Variants in FAT4 observed in about 807,000 individuals in gnomAD.
The protein encoded by FAT4 is protocadherin Fat 4.
A neutral mutation model predicts 303.9 loss-of-function variants in FAT4; 84 were observed. The observed-to-expected ratio is 0.28, with a 90% confidence interval of 0.23 to 0.33. The LOEUF is 0.33. FAT4 is among the 10% of genes least tolerant of loss of function. The pLI, the probability that FAT4 is intolerant of heterozygous loss-of-function variation, is 1.00. For missense variants in FAT4, 6,005 were observed against 6,146.8 expected, an observed-to-expected ratio of 0.98 and a Z score of 0.77; for synonymous variants, 2,307 against 2,298.8, an observed-to-expected ratio of 1.00 and a Z score of -0.10.
At position 125,318,429 on chromosome 4, in the gene FAT4, C is replaced by T. The variant is rs1454770591; in HGVS notation, c.2018C>T (p.Ala673Val). 5.0e-6 allele frequency: 8 copies of T among 1,614,136 alleles called. No homozygotes were observed. The highest frequency in any genetic ancestry group is 1.3e-5 in the African/African-American group (1 of 75,038). ...DLGSPPQSSM[A>V]RINVSLLDIN... Reference sequence around the variant, plus strand: ...GGCTCCCCTCCCCAGTCATCAATGGCTCGCATAAATGTGAGTCTTCTGGAT... The same window carrying T: ...GGCTCCCCTCCCCAGTCATCAATGGTTCGCATAAATGTGAGTCTTCTGGAT... The change falls in exon 2 of 18, where the codon GCT (alanine) becomes GTT (valine). Residue 673 changes from alanine to valine, a missense_variant. Coordinates refer to ENST00000394329, the MANE Select transcript of FAT4 (RefSeq NM_001291303.3).
At chr4:125,345,235 C>T (rs774230801) in intron 2 of FAT4, among the ~76,000 whole-genome samples, 7 of 152,072 alleles carry the variant, frequency 4.6e-5, no homozygotes, top group Non-Finnish European at 8.8e-5. Context: ...CCAACTTAAT[C>T]ACTGCAATGT....
At chr4:125,353,204 T>C (rs1732296786) in intron 2 of FAT4, among the ~76,000 whole-genome samples, 1 of 151,762 alleles carries the variant, frequency 6.6e-6, no homozygotes, top group African/African-American at 2.4e-5. Flanking sequence ...GAATGACTTC[T>C]TCATTCAATC....
intron 9 of FAT4, among the ~76,000 whole-genome samples, chr4:125,447,735 A>AT (rs1725874195): frequency 6.6e-6 from 1 of 152,014 alleles, no homozygotes. Flanking sequence ...TTTTCTGCAT[A>AT]TTTTTACGAC....
At chr4:125,454,016 C>T (rs552413053) in intron 10 of FAT4, among the ~76,000 whole-genome samples, 6 of 152,140 alleles carry the variant, frequency 3.9e-5, no homozygotes, top group South Asian at 2.1e-4. Context: ...TTGATAAGTT[C>T]GAGGAGAGCA....
chr4:125,439,482 A>G (rs973923280), intron 8 of FAT4, among the ~76,000 whole-genome samples: 4 of 148,008 alleles, frequency 2.7e-5, no homozygotes, highest in Non-Finnish European at 1.5e-5. Flanking sequence ...ACAGGCACCC[A>G]CCACCATGCC....
chr4:125,336,587 CACTT>C (rs528174597), intron 2 of FAT4, among the ~76,000 whole-genome samples: 14 of 152,004 alleles, frequency 9.2e-5, no homozygotes, highest in East Asian at 5.8e-4. Flanking sequence ...ATATTTGAAA[CACTT>C]AGTAAAGATA....
At chr4:125,330,221 T>C (rs565135503) in intron 2 of FAT4, among the ~76,000 whole-genome samples, 1 of 38,602 alleles carries the variant, frequency 2.6e-5, no homozygotes, top group East Asian at 2.6e-4. Context: ...ACTTCAAGTA[T>C]TTTTTTTTAT....
chr4:125,355,008 T>G (rs1732372440), intron 2 of FAT4, among the ~76,000 whole-genome samples: 1 of 151,798 alleles, frequency 6.6e-6, no homozygotes, highest in Non-Finnish European at 1.5e-5. Context: ...TTTTTTAAAT[T>G]TAGACATGAA....
At chr4:125,478,984 C>G (rs1009168849) in intron 14 of FAT4, among the ~76,000 whole-genome samples, 9 of 152,098 alleles carry the variant, frequency 5.9e-5, no homozygotes, top group African/African-American at 2.2e-4. Flanking sequence ...CTGAACATAT[C>G]TAACTATTCT....
rs749795954 is a variant in FAT4 at position 125,450,235 on chromosome 4, A to G, written c.9225A>G (p.Ala3075=). The G allele has an allele frequency of 1.2e-6, 2 of 1,613,942 alleles. No individual in the cohort carries two copies. Among genetic ancestry groups the G allele is most frequent in the African/African-American group, 2.7e-5 (2 of 74,932 alleles). The change falls in exon 10 of 18, where the codon GCA becomes GCG. Residue 3075 remains alanine (A), a synonymous_variant. Transcript: ENST00000394329. The part of the protein sequence containing the change: ...DKGNPPLSSQ[A]TVHITVTEEN... Reference sequence around the variant, plus strand: ...GAAACCCTCCACTTTCTTCCCAAGCAACTGTTCACATAACTGTCACTGAGG... The same window carrying G: ...GAAACCCTCCACTTTCTTCCCAAGCGACTGTTCACATAACTGTCACTGAGG...
chr4:125,452,416 T>G lies in FAT4; in HGVS notation c.11406T>G (p.Ser3802=). ...GGCAGAGTGGAGTAAAGGTGGAATC[T>G]GTGGATCATGACTCCTGTGTGCATG... is the stretch of plus-strand genomic sequence containing the variant. ...LLRQSGVKVE[S]VDHDSCVHGP... Residue 3802 remains serine, a synonymous_variant, in exon 10 of 18, where the codon TCT becomes TCG. Coordinates refer to ENST00000394329, the MANE Select transcript of FAT4 (RefSeq NM_001291303.3). 6.2e-7 allele frequency: 1 copy of G among 1,614,126 alleles called. No homozygotes were observed. Among genetic ancestry groups the G allele is most frequent in the Non-Finnish European group, 8.5e-7 (1 of 1,180,024 alleles).
At chr4:125,446,268 T>TC (rs1725823242) in intron 8 of FAT4, 25 bp from the exon 9 acceptor site, 2 of 1,599,638 alleles carry the variant, frequency 1.3e-6, no homozygotes, top group Non-Finnish European at 1.7e-6. Context: ...ATATGACATA[T>TC]CCCTATTTCT....
chr4:125,412,147 T>A (rs1387410751), intron 5 of FAT4, among the ~76,000 whole-genome samples: 1 of 151,910 alleles, frequency 6.6e-6, no homozygotes, highest in Non-Finnish European at 1.5e-5. Context: ...TGGTCTGAGC[T>A]TAGTATTTTT....
At chr4:125,441,262 A>C (rs1008985507) in intron 8 of FAT4, among the ~76,000 whole-genome samples, 4 of 152,198 alleles carry the variant, frequency 2.6e-5, no homozygotes, top group Admixed American at 2.6e-4. Flanking sequence ...TAAGCACAGA[A>C]TAGGTGGAAA....
rs1189524740 is a variant in FAT4, at chr4:125,414,932, G to A, written c.5969G>A (p.Gly1990Glu). 6.2e-7 allele frequency: 1 copy of A among 1,612,976 alleles called. No individual in the cohort carries two copies. Among genetic ancestry groups the A allele is most frequent in the African/African-American group, 1.3e-5 (1 of 74,934 alleles). ...TYSIASGDSL[G>E]QFTVDKNGVL... The stretch of plus-strand genomic sequence containing the variant: ...AGCATTGCTTCAGGTGATAGCCTTG[G>A]GCAGTTTACTGTTGACAAGAATGGT... Residue 1990 changes from glycine to glutamate, a missense_variant, in exon 6 of 18, where the codon GGG becomes GAG. Transcript: ENST00000394329.
chr4:125,365,139 G>A (rs1023200788), intron 2 of FAT4, among the ~76,000 whole-genome samples: 1 of 152,198 alleles, frequency 6.6e-6, no homozygotes, highest in Non-Finnish European at 1.5e-5. Context: ...GAGCAACTAA[G>A]TGGATGATGA....
intron 2 of FAT4, among the ~76,000 whole-genome samples, chr4:125,330,136 G>A (rs1333383234): frequency 6.6e-6 from 1 of 152,066 alleles, no homozygotes; most frequent in African/African-American, 2.4e-5. Context: ...ATTAGCCTTC[G>A]GGCTTTTGCC....
chr4:125,431,266 T>G lies in FAT4; in HGVS notation c.7019-2979T>G, dbSNP rs138811383. 1.1e-4 allele frequency among the ~76,000 whole-genome samples: 16 copies of G among 152,338 alleles called. No individual in the cohort carries two copies. The East Asian group carries it at 2.3e-3, about 22-fold the overall frequency. On this transcript the variant is annotated intron_variant, in intron 7 of 17. Coordinates refer to ENST00000394329, the MANE Select transcript of FAT4 (RefSeq NM_001291303.3). ...TGTGTATATCAGAAATATTCAGATC[T>G]TTCTTGAAATCTCACTGTAAGTCTT... is the stretch of plus-strand genomic sequence containing the variant.
intron 9 of FAT4, among the ~76,000 whole-genome samples, chr4:125,447,437 C>A (rs978705773): frequency 6.6e-6 from 1 of 151,986 alleles, no homozygotes; most frequent in African/African-American, 2.4e-5. Flanking sequence ...AACTTTCTAT[C>A]AAAGGAAATG....
Sources: allele counts gnomAD v4.1 joint callset (sites outside exome capture counted in the v4.1 genomes callset), GRCh38; gene constraint gnomAD v4.1.1; transcripts MANE v1.5; gene names NCBI Gene and HGNC (gene_info 2026-07-23, HGNC 2026-07-21).